The following PIK3R6 variants were observed in gnomAD, a reference collection of about 807,000 sequenced individuals.
PIK3R6 encodes phosphoinositide 3-kinase regulatory subunit 6.
A neutral mutation model predicts 84.9 loss-of-function variants in PIK3R6; 91 were observed. The observed-to-expected ratio is 1.07, with a 90% CI of 0.90 to 1.28. The LOEUF (loss-of-function observed/expected upper bound fraction) is 1.28. Among genes scored for constraint, PIK3R6 ranks in the 50% most tolerant of loss-of-function variants. PIK3R6 has a pLI of 0.00. For missense variants in PIK3R6, 996 were observed against 985.1 expected, an observed-to-expected ratio of 1.01 and a Z score of -0.15; for synonymous variants, 416 against 411.4, an observed-to-expected ratio of 1.01 and a Z score of -0.13.
chr17:8,834,294 T>C (rs1432543381), intron 8 of PIK3R6, among the ~76,000 whole-genome samples: 1 of 151,738 alleles, frequency 6.6e-6, no homozygotes, highest in Non-Finnish European at 1.5e-5. Flanking sequence ...ATGAGGAGGC[T>C]TGTTTAGCTG....
At chr17:8,853,997 A>T (rs2089056490) in intron 1 of PIK3R6, among the ~76,000 whole-genome samples, 1 of 151,548 alleles carries the variant, frequency 6.6e-6, no homozygotes, top group Non-Finnish European at 1.5e-5. Flanking sequence ...CTCCAAAATC[A>T]TTTACATATT....
intron 1 of PIK3R6, among the ~76,000 whole-genome samples, chr17:8,859,383 G>A (rs1306843035): frequency 2.0e-5 from 3 of 152,174 alleles, no homozygotes; most frequent in Admixed American, 6.5e-5. Context: ...TGGAACAGAC[G>A]TCACACACCT....
chr17:8,829,413 G>T (rs1164774471), intron 10 of PIK3R6, among the ~76,000 whole-genome samples: 1 of 120,578 alleles, frequency 8.3e-6, no homozygotes, highest in East Asian at 2.8e-4. Context: ...CATACACACA[G>T]ACACACTGAC....
At chr17:8,856,421 G>A (rs1186870362) in intron 1 of PIK3R6, among the ~76,000 whole-genome samples, 1 of 152,216 alleles carries the variant, frequency 6.6e-6, no homozygotes, top group African/African-American at 2.4e-5. Context: ...GGCCAAAATG[G>A]TGGAACCACG....
intron 16 of PIK3R6, among the ~76,000 whole-genome samples, chr17:8,822,189 C>T (rs1002388283): frequency 1.3e-5 from 2 of 151,886 alleles, no homozygotes; most frequent in African/African-American, 2.4e-5. Flanking sequence ...GGTGCCAGAC[C>T]CGGTTTTGTC....
At chr17:8,828,512 G>A in intron 11 of PIK3R6, 55 bp downstream of exon 11, 2 of 1,579,422 alleles carry the variant, frequency 1.3e-6, no homozygotes, top group Non-Finnish European at 1.7e-6. Flanking sequence ...CCCACGCCAG[G>A]CCCACCTGTG....
intron 17 of PIK3R6, among the ~76,000 whole-genome samples, chr17:8,821,506 C>T (rs576564449): frequency 3.3e-5 from 5 of 152,078 alleles, no homozygotes; most frequent in Non-Finnish European, 7.3e-5. Flanking sequence ...CTATTGTCTC[C>T]ATTTTTTTTG....
chr17:8,815,358 T>C (rs929725562), intron 18 of PIK3R6, among the ~76,000 whole-genome samples: 1 of 152,002 alleles, frequency 6.6e-6, no homozygotes, highest in African/African-American at 2.4e-5. Flanking sequence ...ATACAAAAAT[T>C]AGCACGGTGT....
chr17:8,832,549 A>ATTTTT (rs71135926), intron 9 of PIK3R6, among the ~76,000 whole-genome samples: 1,401 of 133,540 alleles, frequency 0.01, 20 homozygotes, highest in Non-Finnish European at 0.015. Context: ...CGCCCAGCTG[A>ATTTTT]TTTTTTTTTT....
chr17:8,829,003 A>G lies in PIK3R6; in HGVS notation c.890-13T>C. ...ACCAGTTCCTTCCCTGGGGTGGGGGAACAAGGGCGGTGAGGACACGTGAGG... is the reference window on the plus strand; with the variant it reads ...ACCAGTTCCTTCCCTGGGGTGGGGGGACAAGGGCGGTGAGGACACGTGAGG... On this transcript the variant is annotated splice_polypyrimidine_tract_variant and intron_variant, in intron 10 of 19. Coordinates refer to ENST00000619866, the MANE Select transcript of PIK3R6 (RefSeq NM_001010855.4). The G allele has an allele frequency of 6.7e-7, 1 of 1,493,634 alleles. No homozygotes were observed. 92.5% of individuals were successfully genotyped at this position (1,493,634 alleles called of 1,614,324 possible).
intron 7 of PIK3R6, 96 bp from the exon 8 acceptor site, chr17:8,835,552 A>G: frequency 3.8e-6 from 4 of 1,063,228 alleles, no homozygotes; most frequent in Non-Finnish European, 5.2e-6. Context: ...AGCACCTCCA[A>G]GTAATTTAAT....
Position 8,865,285 on chromosome 17 carries a change from C to T in PIK3R6, c.-92+2244G>A, listed in dbSNP as rs183101407. Among the ~76,000 whole-genome samples, 472 of 152,312 alleles carry T rather than the reference C, an allele frequency of 3.1e-3. 4 individuals are homozygous for T. Among genetic ancestry groups the T allele is most frequent in the Middle Eastern group, 0.024 (7 of 294 alleles). ...CCCCAGCTCACCATTGCTGGCTTCT[C>T]GGACAAGCTGTTCAGACAGAAGAAC... On this transcript the variant is annotated intron_variant, in intron 1 of 19. Transcript: ENST00000619866.
chr17:8,837,036 G>T, intron 5 of PIK3R6, 113 bp from the exon 6 acceptor site: 1 of 805,956 alleles, frequency 1.2e-6, no homozygotes. Flanking sequence ...GAGAAGAGGT[G>T]GAAGGTCAGG....
chr17:8,846,246 A>G (rs937984544), intron 2 of PIK3R6, among the ~76,000 whole-genome samples: 4 of 152,098 alleles, frequency 2.6e-5, no homozygotes, highest in Non-Finnish European at 4.4e-5. Context: ...ATGTTTGTCA[A>G]CTTTGTCAAA....
rs368109046 is a variant in PIK3R6 at position 8,837,870 on chromosome 17, G to A, written c.191C>T (p.Ala64Val). The A allele has an allele frequency of 5.0e-6, 8 of 1,613,340 alleles. No homozygotes were observed. Among genetic ancestry groups the A allele is most frequent in the Middle Eastern group, 1.6e-4 (1 of 6,084 alleles). ...VRILLRELEK[A>V]ESQDLRHVII... is the part of the protein sequence containing the mutation. The stretch of plus-strand genomic sequence containing the variant: ...GACATGCCGGAGGTCCTGGCTTTCC[G>A]CCTGGAAAACAGGAGATCACGTGAC... Residue 64 changes from alanine (A) to valine (V), a missense_variant and splice_region_variant, in exon 5 of 20, where the codon GCG becomes GTG. Transcript: ENST00000619866.
chr17:8,853,493 A>AT (rs2089035251), intron 1 of PIK3R6, among the ~76,000 whole-genome samples: 4 of 147,592 alleles, frequency 2.7e-5, no homozygotes, highest in African/African-American at 9.9e-5. Flanking sequence ...TCAAAAAAAA[A>AT]AAAAAATAAT....
intron 8 of PIK3R6, among the ~76,000 whole-genome samples, chr17:8,834,779 CG>C (rs1486071493): frequency 6.6e-6 from 1 of 151,908 alleles, no homozygotes; most frequent in East Asian, 1.9e-4. Context: ...TTCCTGCTTT[CG>C]GGGCTGAGAC....
At chr17:8,810,061 A>G (rs2087311533) in intron 18 of PIK3R6, among the ~76,000 whole-genome samples, 1 of 152,054 alleles carries the variant, frequency 6.6e-6, no homozygotes, top group South Asian at 2.1e-4. Flanking sequence ...CACTGCTGAT[A>G]AAGACATACC....
At position 8,857,917 on chromosome 17, in the gene PIK3R6, A is replaced by AAT. The variant is rs1383277065; in HGVS notation, c.-91-8033_-91-8032insAT. ...CTCTGTCTCAAAAAAAAAAAAAAAA[A>AAT]AGGGAAAGTAAAATTCTAAGAAACT... On this transcript the variant is annotated intron_variant, in intron 1 of 19. Transcript: ENST00000619866. Among the ~76,000 whole-genome samples the AAT allele has an allele frequency of 6.6e-3, 998 of 152,084 alleles. 7 individuals are homozygous for AAT. The highest frequency in any genetic ancestry group is 0.023 in the African/African-American group (948 of 41,486).
Sources: gnomAD v4.1 joint callset for allele counts (sites outside exome capture counted in the v4.1 genomes callset) on GRCh38, gnomAD v4.1.1 for gene constraint, MANE v1.5 for transcripts, NCBI Gene and HGNC (gene_info 2026-07-23, HGNC 2026-07-21) for gene names.